RAD51B: variants seen among roughly 807,000 people sequenced by gnomAD.
RAD51B encodes the protein DNA repair protein RAD51 homolog 2.
A neutral mutation model predicts 42.2 loss-of-function variants in RAD51B; 38 were observed. The ratio of observed to expected loss-of-function variants is 0.90; its 90% CI spans 0.70 to 1.18. The LOEUF (loss-of-function observed/expected upper bound fraction) is 1.18. Ranked by LOEUF, RAD51B falls within the 50% of genes most tolerant of loss-of-function variation. The pLI is 0.00. For synonymous variants in RAD51B, 154 were observed against 145.2 expected, an observed-to-expected ratio of 1.06 and a Z score of -0.43; for missense variants, 373 against 400.7, an observed-to-expected ratio of 0.93 and a Z score of 0.59.
chr14:67,842,866 G>A (rs975151043), intron 4 of RAD51B, among the ~76,000 whole-genome samples: 2 of 152,080 alleles, frequency 1.3e-5, no homozygotes, highest in Non-Finnish European at 2.9e-5. Flanking sequence ...GTCTGTTGAG[G>A]GTTTTTATCA....
intron 5 of RAD51B, among the ~76,000 whole-genome samples, chr14:67,874,220 C>G (rs537274774): frequency 2.0e-4 from 30 of 152,226 alleles, no homozygotes; most frequent in Admixed American, 1.2e-3. Flanking sequence ...ATTTATTTTA[C>G]ATGTCTTTTA....
At chr14:68,547,497 G>T (rs1038970231) in intron 10 of RAD51B, among the ~76,000 whole-genome samples, 2 of 152,216 alleles carry the variant, frequency 1.3e-5, no homozygotes, top group Non-Finnish European at 2.9e-5. Context: ...CTGAAGGAAG[G>T]AGTGTTGGGG....
In RAD51B at chr14:68,611,229, G is replaced by A. The variant is rs992451990; in HGVS notation, c.1260G>A (p.Leu420=). ...CAACTGGAATCAGAACAGAGACTTT[G>A]GATGAGCATCCAGTGTAACCCAGCC... The change falls in exon 11 of 11, where the codon TTG becomes TTA. Residue 420 remains leucine, a synonymous_variant. Coordinates refer to the RAD51B transcript ENST00000487861. 8.5e-6 allele frequency: 6 copies of A among 702,926 alleles called. No homozygotes were observed. In the African/African-American group the frequency reaches 1.0e-4, roughly 12 times the overall value. 43.5% of individuals were successfully genotyped at this position (702,926 alleles called of 1,614,324 possible).
chr14:68,155,386 G>C (rs1482581615), intron 7 of RAD51B, among the ~76,000 whole-genome samples: 1 of 151,934 alleles, frequency 6.6e-6, no homozygotes, highest in African/African-American at 2.4e-5. Context: ...TAGAGACGGG[G>C]TTTCACCATG....
chr14:68,137,176 T>C (rs1329727844), intron 7 of RAD51B, among the ~76,000 whole-genome samples: 2 of 152,140 alleles, frequency 1.3e-5, no homozygotes, highest in Non-Finnish European at 2.9e-5. Context: ...GTCGGGAGGC[T>C]GAGGCAGGAG....
At chr14:67,936,078 AGCTTTTTGAGAT>A (rs1457715085) in intron 7 of RAD51B, among the ~76,000 whole-genome samples, 3 of 152,340 alleles carry the variant, frequency 2.0e-5, no homozygotes, top group South Asian at 4.1e-4. Context: ...AAATTTTAAC[AGCTTTTTGAGAT>A]ATAATTTACA....
At chr14:68,302,902 A>G (rs571583603) in intron 8 of RAD51B, among the ~76,000 whole-genome samples, 30 of 152,320 alleles carry the variant, frequency 2.0e-4, no homozygotes, top group South Asian at 6.2e-4. Flanking sequence ...ATAAACCCAC[A>G]ACCTTCCAGC....
intron 9 of RAD51B, among the ~76,000 whole-genome samples, chr14:68,420,002 T>C (rs1425910455): frequency 3.3e-5 from 5 of 152,192 alleles, no homozygotes. Flanking sequence ...ACCTATGAGT[T>C]TGCAGGGATC....
intron 7 of RAD51B, among the ~76,000 whole-genome samples, chr14:68,127,012 C>T (rs2077774716): frequency 6.6e-6 from 1 of 152,092 alleles, no homozygotes; most frequent in Admixed American, 6.5e-5. Context: ...CCTCAGATAC[C>T]ACCTCCTTTG....
At chr14:67,931,610 C>T (rs2044740390) in intron 7 of RAD51B, among the ~76,000 whole-genome samples, 1 of 149,860 alleles carries the variant, frequency 6.7e-6, no homozygotes, top group African/African-American at 2.5e-5. Flanking sequence ...TCAAGCAATT[C>T]TCCTGCCTCA....
At chr14:68,521,233 A>G (rs1393159137) in intron 10 of RAD51B, among the ~76,000 whole-genome samples, 1 of 152,176 alleles carries the variant, frequency 6.6e-6, no homozygotes, top group Non-Finnish European at 1.5e-5. Context: ...CCATTTACAA[A>G]GGGTATTTTA....
chr14:67,990,508 C>T (rs1169557753), intron 7 of RAD51B, among the ~76,000 whole-genome samples: 2 of 152,186 alleles, frequency 1.3e-5, no homozygotes, highest in Non-Finnish European at 2.9e-5. Flanking sequence ...AAAGATCTGC[C>T]TCACACAATT....
At chr14:67,942,475 G>A (rs1355119212) in intron 7 of RAD51B, among the ~76,000 whole-genome samples, 1 of 152,184 alleles carries the variant, frequency 6.6e-6, no homozygotes, top group Non-Finnish European at 1.5e-5. Flanking sequence ...GATCATGCTT[G>A]TTTAGTGTTT....
At chr14:67,976,853 TCAAA>T (rs1243637215) in intron 7 of RAD51B, among the ~76,000 whole-genome samples, 1 of 151,974 alleles carries the variant, frequency 6.6e-6, no homozygotes, top group Non-Finnish European at 1.5e-5. Context: ...TACAATGAAC[TCAAA>T]CAAATTTACA....
chr14:67,986,938 G>A lies in RAD51B; in HGVS notation c.756+99734G>A, dbSNP rs138697768. ...GTAGAGATGGGATTTTACCATGTTG[G>A]CCAGGCTGGTCTCAAACTCCTGACC... On this transcript the variant is annotated intron_variant, in intron 7 of 10. Coordinates refer to ENST00000471583, the MANE Select transcript of RAD51B (RefSeq NM_133510.4). Among the ~76,000 whole-genome samples, 1,225 of 152,246 alleles carry A rather than the reference G, an allele frequency of 8.0e-3. 15 individuals carry two copies. Among genetic ancestry groups the A allele is most frequent in the African/African-American group, 0.028 (1,148 of 41,544 alleles).
chr14:67,851,184 A>C (rs577727767), intron 4 of RAD51B, among the ~76,000 whole-genome samples: 1 of 152,106 alleles, frequency 6.6e-6, no homozygotes, highest in African/African-American at 2.4e-5. Flanking sequence ...TACTAGCAAA[A>C]TTGGAATAGG....
At chr14:68,206,882 C>T (rs1038915611) in intron 7 of RAD51B, among the ~76,000 whole-genome samples, 2 of 151,756 alleles carry the variant, frequency 1.3e-5, no homozygotes, top group Admixed American at 6.6e-5. Flanking sequence ...CCCCGCCTCC[C>T]GGGTTCATGC....
At chr14:68,168,168 C>T (rs533205361) in intron 7 of RAD51B, among the ~76,000 whole-genome samples, 1 of 152,224 alleles carries the variant, frequency 6.6e-6, no homozygotes. Flanking sequence ...GGAAGAGGCT[C>T]TAAAGGACAT....
chr14:68,068,713 A>G (rs2076693939), intron 7 of RAD51B, among the ~76,000 whole-genome samples: 1 of 152,178 alleles, frequency 6.6e-6, no homozygotes, highest in African/African-American at 2.4e-5. Context: ...GAGTAGTGGT[A>G]ACATTTTATA....
Sources: allele counts gnomAD v4.1 joint callset (sites outside exome capture counted in the v4.1 genomes callset), GRCh38; gene constraint gnomAD v4.1.1; transcripts MANE v1.5; gene names NCBI Gene and HGNC (gene_info 2026-07-23, HGNC 2026-07-21).